The following ZFP30 variants were observed in gnomAD, a reference collection of about 807,000 sequenced individuals.
The protein encoded by ZFP30 is ZFP30 zinc finger protein, also known as zinc finger protein 30 homolog.
Under a neutral mutation model 12.3 loss-of-function variants are expected in ZFP30, and 16 were observed. The ratio of observed to expected loss-of-function variants is 1.30; its 90% CI spans 0.88 to 1.98. The LOEUF is 1.98. Ranked by LOEUF, ZFP30 falls within the 30% of genes most tolerant of loss-of-function variation. The probability of loss-of-function intolerance (pLI) is 0.00; values close to 1 mark genes in which losing one functional copy is unlikely to be tolerated. For synonymous variants in ZFP30, 172 were observed against 201.0 expected, an observed-to-expected ratio of 0.86 and a Z score of 1.22; for missense variants, 560 against 611.2, an observed-to-expected ratio of 0.92 and a Z score of 0.88.
At chr19:37,641,497 A>G (rs1336433028) in intron 5 of ZFP30, among the ~76,000 whole-genome samples, 1 of 152,210 alleles carries the variant, frequency 6.6e-6, no homozygotes, top group African/African-American at 2.4e-5. Context: ...ACAGAACGGC[A>G]TAATAATATC....
intron 5 of ZFP30, among the ~76,000 whole-genome samples, chr19:37,637,195 CTTTTTTTCTTTTTTT>C (rs1017040256): frequency 1.9e-4 from 28 of 145,074 alleles, no homozygotes; most frequent in South Asian, 2.2e-4. Context: ...TTTCTTTTTT[CTTTTTTTCTTTTTTT>C]TTTTTTTTTT....
rs746927737 is a variant in ZFP30 at position 37,636,082 on chromosome 19, G to A, written c.459C>T (p.Asn153=). ...TSLPLYQKSH[N]REKPYECGEC... Reference sequence around the variant, plus strand: ...CCCCACATTCGTAGGGTTTCTCTCTGTTATGACTTTTCTGATACAGAGGAA... The same window carrying A: ...CCCCACATTCGTAGGGTTTCTCTCTATTATGACTTTTCTGATACAGAGGAA... The change falls in exon 6 of 6, where the codon AAC becomes AAT. Residue 153 remains asparagine, a synonymous_variant. Transcript: ENST00000684514. 6.8e-6 allele frequency: 11 copies of A among 1,614,006 alleles called. No individual in the cohort carries two copies. In the Middle Eastern group the frequency reaches 4.9e-4, roughly 72 times the overall value.
At chr19:37,642,717 T>C (rs2927742) in intron 5 of ZFP30, among the ~76,000 whole-genome samples, 113,195 of 151,796 alleles carry the variant, frequency 0.75, 42,899 homozygotes, top group Middle Eastern at 0.83. Context: ...AAAGCTTTCC[T>C]CTACTGAAAT....
rs916332211 is a variant in ZFP30 at position 37,631,931 on chromosome 19, G to T, written c.*3050C>A. On this transcript the variant is annotated 3_prime_UTR_variant, in exon 6 of 6. Transcript: ENST00000684514. ...TCATACGGAAAATGTCTAGATTTTC[G>T]TTTTGCCAGCCCTCCTCACCTAGTT... 1 of 151,934 alleles carries T rather than the reference G, an allele frequency of 6.6e-6. No homozygotes were observed. Among genetic ancestry groups the T allele is most frequent in the Non-Finnish European group, 1.5e-5 (1 of 67,954 alleles). The allele number at this position is 151,934 out of a possible 1,614,324, so 9.4% of individuals were successfully genotyped here.
intron 2 of ZFP30, among the ~76,000 whole-genome samples, chr19:37,652,804 T>C (rs1026819281): frequency 2.1e-4 from 32 of 152,200 alleles, no homozygotes; most frequent in Admixed American, 1.7e-3. Context: ...ACTGGGAAGA[T>C]AGGCTACCTT....
chr19:37,650,064 T>C (rs1261834095), intron 2 of ZFP30, among the ~76,000 whole-genome samples: 2 of 152,040 alleles, frequency 1.3e-5, no homozygotes, highest in Non-Finnish European at 2.9e-5. Flanking sequence ...TATTGTTACC[T>C]TTACTTGATG....
chr19:37,638,015 C>T (rs2044364245), intron 5 of ZFP30, among the ~76,000 whole-genome samples: 1 of 152,158 alleles, frequency 6.6e-6, no homozygotes, highest in South Asian at 2.1e-4. Context: ...CCTTACTACA[C>T]TGATTAAACA....
chr19:37,635,006 T>C lies in ZFP30; in HGVS notation c.1535A>G (p.His512Arg). The C allele has an allele frequency of 1.3e-6, 2 of 1,558,332 alleles. No homozygotes were observed. The highest frequency in any genetic ancestry group is 8.7e-7 in the Non-Finnish European group (1 of 1,155,458). ...AFRQHSHLTYHQRIHNVT is the reference protein window; with the variant it reads ...AFRQHSHLTYRQRIHNVT ...TTAAGTTACATTATGAATTCGCTGA[T>C]GGTAAGTAAGATGTGAATGTTGTCT... The change falls in exon 6 of 6, where the codon CAT (histidine) becomes CGT (arginine). Residue 512 changes from histidine (H) to arginine (R), a missense_variant. Physicochemically the swap from His to Arg is conservative, Grantham distance 29. Coordinates refer to ENST00000684514, the MANE Select transcript of ZFP30 (RefSeq NM_001320669.3).
In ZFP30 at chr19:37,631,365, C is replaced by A. The variant is rs561509833; in HGVS notation, c.*3616G>T. On this transcript the variant is annotated 3_prime_UTR_variant, in exon 6 of 6. Transcript: ENST00000684514. Reference sequence around the variant, plus strand: ...TCTTAATTATTAATTTTAATATGCTCATTTAACCACAGAATGCTTTCTAAA... The same window carrying A: ...TCTTAATTATTAATTTTAATATGCTAATTTAACCACAGAATGCTTTCTAAA... 1 of 152,246 alleles carries A rather than the reference C, an allele frequency of 6.6e-6. No individual in the cohort carries two copies. The highest frequency in any genetic ancestry group is 1.9e-4 in the East Asian group (1 of 5,188). The allele number at this position is 152,246 out of a possible 1,614,324, so 9.4% of individuals were successfully genotyped here.
chr19:37,643,893 G>A (rs142701608), intron 4 of ZFP30, among the ~76,000 whole-genome samples: 3,302 of 152,196 alleles, frequency 0.022, 126 homozygotes, highest in African/African-American at 0.075. Context: ...TCTGTTGTAG[G>A]AAACTGAATA....
At position 37,635,359 on chromosome 19, in the gene ZFP30, G is replaced by A. The variant is rs373012771; in HGVS notation, c.1182C>T (p.Tyr394=). ...TACCCTGATGTGAAATAAGTTCTGA[G>A]TAACGACGAAAGAACTTCTGACATT... The part of the protein sequence containing the change: ...CKECQKFFRR[Y]SELISHQGIH... Residue 394 remains tyrosine (Y), a synonymous_variant, in exon 6 of 6, where the codon TAC becomes TAT. Transcript: ENST00000684514. The A allele has an allele frequency of 4.3e-6, 7 of 1,613,028 alleles. No homozygotes were observed. Among genetic ancestry groups the A allele is most frequent in the Admixed American group, 3.3e-5 (2 of 59,886 alleles).
intron 5 of ZFP30, among the ~76,000 whole-genome samples, chr19:37,641,496 CATA>C (rs1255019621): frequency 2.0e-5 from 3 of 152,170 alleles, no homozygotes; most frequent in Non-Finnish European, 2.9e-5. Flanking sequence ...GACAGAACGG[CATA>C]ATAATATCTC....
intron 2 of ZFP30, among the ~76,000 whole-genome samples, chr19:37,653,862 T>A (rs2044700972): frequency 6.6e-6 from 1 of 152,066 alleles, no homozygotes; most frequent in African/African-American, 2.4e-5. Context: ...ATAAACAGAG[T>A]CCAAGGACTT....
At chr19:37,647,288 A>C (rs1206481608) in intron 3 of ZFP30, among the ~76,000 whole-genome samples, 1 of 152,170 alleles carries the variant, frequency 6.6e-6, no homozygotes, top group Non-Finnish European at 1.5e-5. Flanking sequence ...CTGTGTCCCC[A>C]CCCAAATCTC....
chr19:37,643,052 C>CAAAAAAAAAAA (rs951396776), intron 5 of ZFP30, among the ~76,000 whole-genome samples: 29 of 60,900 alleles, frequency 4.8e-4, no homozygotes, highest in Non-Finnish European at 8.2e-4. Context: ...GACTCCGTCT[C>CAAAAAAAAAAA]AAAAAAAAAA....
rs2044274261 is a variant in ZFP30, at chr19:37,633,901, A to ATC, written c.*1078_*1079dup. 6.6e-6 allele frequency: 1 copy of ATC among 152,228 alleles called. No homozygotes were observed. Among genetic ancestry groups the ATC allele is most frequent in the South Asian group, 2.1e-4 (1 of 4,830 alleles). The allele number at this position is 152,228 out of a possible 1,614,324, so 9.4% of individuals were successfully genotyped here. On this transcript the variant is annotated 3_prime_UTR_variant, in exon 6 of 6. Coordinates refer to ENST00000684514, the MANE Select transcript of ZFP30 (RefSeq NM_001320669.3). ...CTCCTGTGTATAGACTTCAGAAATT[A>ATC]TCTCTAACAAATACACTTTTACATA...
Position 37,635,102 on chromosome 19 carries a change from GATGA to G in ZFP30, c.1435_1438del (p.Ser479HisfsTer2). On this transcript the variant is annotated frameshift_variant, in exon 6 of 6. Transcript: ENST00000684514. LOFTEE classifies it high-confidence loss of function. ...ATGAATTCTCTGATGTTGAATCAGT[GATGA>G]ATGAAGTCTAAAGGCCTTTCCACAT... is the stretch of plus-strand genomic sequence containing the variant. 6.2e-7 allele frequency: 1 copy of G among 1,613,588 alleles called. No individual in the cohort carries two copies. The highest frequency in any genetic ancestry group is 8.5e-7 in the Non-Finnish European group (1 of 1,179,788).
intron 5 of ZFP30, among the ~76,000 whole-genome samples, chr19:37,639,981 C>G (rs1452701263): frequency 1.3e-5 from 2 of 152,108 alleles, no homozygotes; most frequent in East Asian, 3.8e-4. Flanking sequence ...CCCAAGTTTG[C>G]CTATTACAGT....
rs1271750325 is a variant in ZFP30 at position 37,636,011 on chromosome 19, T to C, written c.530A>G (p.Gln177Arg). Residue 177 changes from glutamine to arginine, a missense_variant, in exon 6 of 6, where the codon CAA becomes CGA. By Grantham distance (43) the Gln-to-Arg change is conservative. Transcript: ENST00000684514. Reference sequence around the variant, plus strand: ...GGGTTTCTCACCAGTATGAATTCTTTGATGGAAAGTAAGTTGTTGTCGTAC... The same window carrying C: ...GGGTTTCTCACCAGTATGAATTCTTCGATGGAAAGTAAGTTGTTGTCGTAC... The part of the protein sequence containing the change: ...FRVRQQLTFH[Q>R]RIHTGEKPYE... 1 of 1,614,208 alleles carries C rather than the reference T, an allele frequency of 6.2e-7. No homozygotes were observed. The highest frequency in any genetic ancestry group is 1.3e-5 in the African/African-American group (1 of 75,054).
Sources: allele counts gnomAD v4.1 joint callset (sites outside exome capture counted in the v4.1 genomes callset), GRCh38; gene constraint gnomAD v4.1.1; transcripts MANE v1.5; gene names NCBI Gene and HGNC (gene_info 2026-07-23, HGNC 2026-07-21).